LRRIQ1: variants seen among roughly 807,000 people sequenced by gnomAD.
LRRIQ1 encodes leucine-rich repeat- and IQ domain-containing protein 1.
A neutral mutation model predicts 211.9 loss-of-function variants in LRRIQ1; 210 were observed. The observed-to-expected ratio is 0.99, with a 90% CI of 0.89 to 1.11. LRRIQ1 has a LOEUF of 1.11. LRRIQ1 is among the 50% of genes most tolerant of loss of function. The pLI is 0.00. For missense variants in LRRIQ1, 2,136 were observed against 1,939.5 expected, an observed-to-expected ratio of 1.10 and a Z score of -1.90; for synonymous variants, 699 against 650.1, an observed-to-expected ratio of 1.08 and a Z score of -1.14.
intron 11 of LRRIQ1, among the ~76,000 whole-genome samples, chr12:85,075,228 C>G (rs1159575527): frequency 6.6e-6 from 1 of 152,008 alleles, no homozygotes; most frequent in Non-Finnish European, 1.5e-5. Flanking sequence ...GGGAGGATCA[C>G]TTAAGGCCAG....
chr12:85,193,077 A>C (rs532132009), intron 24 of LRRIQ1, among the ~76,000 whole-genome samples: 1 of 116,790 alleles, frequency 8.6e-6, no homozygotes, highest in South Asian at 2.3e-4. Context: ...ATTATATTTT[A>C]TTATATATAA....
intron 24 of LRRIQ1, among the ~76,000 whole-genome samples, chr12:85,171,214 G>A (rs1228628460): frequency 6.6e-6 from 1 of 152,024 alleles, no homozygotes; most frequent in Non-Finnish European, 1.5e-5. Flanking sequence ...TTAAAACCAC[G>A]ACTGAACTTA....
intron 7 of LRRIQ1, among the ~76,000 whole-genome samples, chr12:85,055,274 G>C (rs1383050116): frequency 1.3e-5 from 2 of 151,674 alleles, no homozygotes; most frequent in Non-Finnish European, 2.9e-5. Flanking sequence ...GATTTTATAT[G>C]CTTTCTATCT....
At chr12:85,192,891 G>A (rs1350961100) in intron 24 of LRRIQ1, among the ~76,000 whole-genome samples, 9 of 80,430 alleles carry the variant, frequency 1.1e-4, no homozygotes, top group Admixed American at 1.1e-3. Context: ...TAAATATATA[G>A]TTATATACTA....
intron 15 of LRRIQ1, among the ~76,000 whole-genome samples, chr12:85,119,807 T>C (rs766428121): frequency 2.4e-4 from 36 of 152,348 alleles, no homozygotes; most frequent in Admixed American, 4.6e-4. Context: ...GCTTGTCATC[T>C]GTATATATTC....
intron 24 of LRRIQ1, among the ~76,000 whole-genome samples, chr12:85,171,683 T>C (rs546791044): frequency 6.6e-6 from 1 of 152,202 alleles, no homozygotes; most frequent in South Asian, 2.1e-4. Context: ...AAAGAGGTAA[T>C]TGAGATAAAA....
intron 15 of LRRIQ1, among the ~76,000 whole-genome samples, chr12:85,115,074 T>G (rs778984920): frequency 3.0e-4 from 45 of 152,326 alleles, no homozygotes; most frequent in Admixed American, 1.2e-3. Flanking sequence ...TTTGGGAATT[T>G]CTCTCATTCA....
At chr12:85,123,030 T>C (rs1888098845) in intron 16 of LRRIQ1, among the ~76,000 whole-genome samples, 1 of 152,026 alleles carries the variant, frequency 6.6e-6, no homozygotes, top group South Asian at 2.1e-4. Flanking sequence ...CTATATTTTA[T>C]ATGTTGAATG....
intron 1 of LRRIQ1, among the ~76,000 whole-genome samples, chr12:85,251,948 A>G (rs1895957742): frequency 6.6e-6 from 1 of 151,820 alleles, no homozygotes; most frequent in African/African-American, 2.4e-5. Context: ...TGAAACTCAA[A>G]CTTTTCTCTG....
chr12:85,037,908 T>G (rs562702505), intron 1 of LRRIQ1, among the ~76,000 whole-genome samples: 2 of 152,004 alleles, frequency 1.3e-5, no homozygotes, highest in African/African-American at 4.8e-5. Context: ...TTATTATATA[T>G]AGTAAAATTA....
At chr12:85,242,446 GA>G (rs1163774065) in intron 26 of LRRIQ1, among the ~76,000 whole-genome samples, 7 of 151,824 alleles carry the variant, frequency 4.6e-5, no homozygotes, top group African/African-American at 1.7e-4. Flanking sequence ...ATAGAAGGGA[GA>G]ATATGCATAG....
chr12:85,125,792 C>T (rs1271342050), intron 17 of LRRIQ1, among the ~76,000 whole-genome samples: 2 of 152,044 alleles, frequency 1.3e-5, no homozygotes, highest in Non-Finnish European at 2.9e-5. Flanking sequence ...CAAACGTTGC[C>T]TATTGAAATT....
intron 10 of LRRIQ1, among the ~76,000 whole-genome samples, chr12:85,069,953 A>G (rs914424865): frequency 6.6e-6 from 1 of 151,914 alleles, no homozygotes; most frequent in Admixed American, 6.6e-5. Flanking sequence ...ATTAGATCCC[A>G]TTTGTCAATT....
chr12:85,178,533 C>T (rs1016789444), intron 24 of LRRIQ1, among the ~76,000 whole-genome samples: 1 of 152,006 alleles, frequency 6.6e-6, no homozygotes, highest in African/African-American at 2.4e-5. Context: ...AAATTACATT[C>T]ATTATAGTAA....
intron 24 of LRRIQ1, among the ~76,000 whole-genome samples, chr12:85,217,708 G>GTATATATATGTATATA (rs1565910238): frequency 4.7e-4 from 58 of 124,056 alleles, no homozygotes; most frequent in African/African-American, 2.5e-3. Flanking sequence ...GTATATATGT[G>GTATATATATGTATATA]TGTGTATATA....
At chr12:85,246,956 A>G (rs925919053), downstream of LRRIQ1, among the ~76,000 whole-genome samples, 6 of 151,514 alleles carry the variant, frequency 4.0e-5, no homozygotes, top group Non-Finnish European at 8.9e-5. Context: ...GAATGATAAT[A>G]GAAGCACCTC....
At chr12:85,199,402 G>C (rs1489444531) in intron 24 of LRRIQ1, among the ~76,000 whole-genome samples, 1 of 151,726 alleles carries the variant, frequency 6.6e-6, no homozygotes, top group South Asian at 2.1e-4. Context: ...TGACTTTGTA[G>C]AGGTCAGATG....
In LRRIQ1 at chr12:85,198,053, A is replaced by AT. The variant is rs1417973900; in HGVS notation, c.4823-31462dup. Among the ~76,000 whole-genome samples, 236 of 39,498 alleles carry AT rather than the reference A, an allele frequency of 6.0e-3. 2 individuals carry two copies. In the African/African-American group the frequency reaches 0.093, roughly 16 times the overall value. 25.9% of individuals were successfully genotyped at this position (39,498 alleles called of 152,430 possible). A position where few individuals can be genotyped will look rare whatever the true frequency, so the allele number is the denominator to read the frequency against. On this transcript the variant is annotated intron_variant, in intron 24 of 26. Coordinates refer to ENST00000393217, the MANE Select transcript of LRRIQ1 (RefSeq NM_001079910.2). The stretch of plus-strand genomic sequence containing the variant: ...TATAACATATATAATATATTATATA[A>AT]TTATATATAACATATTATTTATATA...
chr12:85,158,885 TTTTA>T (rs147276344), intron 23 of LRRIQ1, among the ~76,000 whole-genome samples: 33,446 of 151,384 alleles, frequency 0.22, 4,264 homozygotes, highest in Admixed American at 0.31. Flanking sequence ...TGGGTTGTGT[TTTTA>T]TTTATTTATT....
Sources: allele counts gnomAD v4.1 joint callset (sites outside exome capture counted in the v4.1 genomes callset), GRCh38; gene constraint gnomAD v4.1.1; transcripts MANE v1.5; gene names NCBI Gene and HGNC (gene_info 2026-07-23, HGNC 2026-07-21).